The following SNTG1 variants were observed in gnomAD, a reference collection of about 807,000 sequenced individuals.
SNTG1 encodes the protein gamma-1-syntrophin.
In SNTG1, 39 loss-of-function variants were observed where a neutral mutation model predicts 74.7. The observed-to-expected ratio is 0.52, with a 90% confidence interval of 0.40 to 0.68. The LOEUF is 0.68. Among genes scored for constraint, SNTG1 ranks in the 30% least tolerant of loss-of-function variants. The pLI, the probability that SNTG1 is intolerant of heterozygous loss-of-function variation, is 0.00. For synonymous variants in SNTG1, 254 were observed against 217.1 expected, an observed-to-expected ratio of 1.17 and a Z score of -1.49; for missense variants, 685 against 609.5, an observed-to-expected ratio of 1.12 and a Z score of -1.30.
At chr8:50,204,646 T>G (rs1404644985) in intron 2 of SNTG1, among the ~76,000 whole-genome samples, 2 of 152,178 alleles carry the variant, frequency 1.3e-5, no homozygotes, top group Non-Finnish European at 2.9e-5. Flanking sequence ...TGTATACATG[T>G]GCCATATTGG....
At chr8:50,553,003 G>T (rs377574381) in intron 11 of SNTG1, 47 bp from the exon 12 acceptor site, 6 of 1,607,948 alleles carry the variant, frequency 3.7e-6, no homozygotes, top group Non-Finnish European at 5.1e-6. Context: ...GCTGCAAATA[G>T]ATCAATGACA....
At position 50,453,735 on chromosome 8, in the gene SNTG1, G is replaced by A. The variant is rs577567685; in HGVS notation, c.363+3006G>A. Reference sequence around the variant, plus strand: ...TATTTTGATGGCACCAAATGCCACCGCTCACATGCTGCTGCTCTTCTCCCT... The same window carrying A: ...TATTTTGATGGCACCAAATGCCACCACTCACATGCTGCTGCTCTTCTCCCT... On this transcript the variant is annotated intron_variant, in intron 8 of 18. Coordinates refer to ENST00000642720, the MANE Select transcript of SNTG1 (RefSeq NM_018967.5). Among the ~76,000 whole-genome samples, 8 of 152,276 alleles carry A rather than the reference G, an allele frequency of 5.3e-5. No homozygotes were observed. The East Asian group carries it at 9.6e-4, about 18-fold the overall frequency.
intron 1 of SNTG1, among the ~76,000 whole-genome samples, chr8:50,095,964 AATT>A (rs3086083): frequency 0.24 from 36,811 of 151,694 alleles, 4,551 homozygotes; most frequent in South Asian, 0.38. Flanking sequence ...TTATTATCTT[AATT>A]ATTATTACCT....
chr8:50,563,803 A>C (rs533629817), intron 12 of SNTG1, among the ~76,000 whole-genome samples: 1 of 152,288 alleles, frequency 6.6e-6, no homozygotes, highest in African/African-American at 2.4e-5. Context: ...GGAAGGTATC[A>C]GGAGATTATC....
In SNTG1 at chr8:50,138,634, T is replaced by C. The variant is rs774203438; in HGVS notation, c.-102-33927T>C. ...GAGTGAAACTCTGTCTCAACAATAA[T>C]AATAATAATAATAATAATAATAATA... On this transcript the variant is annotated intron_variant, in intron 1 of 18. Transcript: ENST00000642720. Among the ~76,000 whole-genome samples the C allele has an allele frequency of 2.6e-4, 21 of 81,332 alleles. No homozygotes were observed. In the East Asian group the frequency reaches 2.7e-3, roughly 10 times the overall value. 53.4% of individuals were successfully genotyped at this position (81,332 alleles called of 152,430 possible). A position where few individuals can be genotyped will look rare whatever the true frequency, so the allele number is the denominator to read the frequency against.
At chr8:49,999,819 T>A (rs951697915) in intron 1 of SNTG1, among the ~76,000 whole-genome samples, 1 of 151,966 alleles carries the variant, frequency 6.6e-6, no homozygotes, top group Non-Finnish European at 1.5e-5. Context: ...TATTGGCTGG[T>A]ATAATAATTA....
chr8:50,434,723 G>T (rs1169990390), intron 4 of SNTG1, among the ~76,000 whole-genome samples: 1 of 152,046 alleles, frequency 6.6e-6, no homozygotes, highest in East Asian at 1.9e-4. Flanking sequence ...ACACATAGTA[G>T]ATTTTTAATA....
intron 2 of SNTG1, among the ~76,000 whole-genome samples, chr8:50,212,713 C>T (rs2084580777): frequency 2.0e-5 from 3 of 152,192 alleles, no homozygotes; most frequent in African/African-American, 4.8e-5. Flanking sequence ...TCTATATATA[C>T]TCTGTGGCAG....
Position 50,129,535 on chromosome 8 carries a change from A to G in SNTG1, c.-102-43026A>G, listed in dbSNP as rs369335575. On this transcript the variant is annotated intron_variant, in intron 1 of 18. Coordinates refer to ENST00000642720, the MANE Select transcript of SNTG1 (RefSeq NM_018967.5). ...AGTTGTCAGCAAAGCACAAGCTACT[A>G]TGGGTAACAATTTTACCTACAGAGT... 1.2e-3 allele frequency among the ~76,000 whole-genome samples: 178 copies of G among 152,196 alleles called. 2 individuals are homozygous for G. The highest frequency in any genetic ancestry group is 3.9e-3 in the African/African-American group (161 of 41,540).
At chr8:50,487,791 C>G (rs1448717341) in intron 8 of SNTG1, among the ~76,000 whole-genome samples, 4 of 150,916 alleles carry the variant, frequency 2.7e-5, no homozygotes, top group Non-Finnish European at 4.4e-5. Context: ...ACATATGTAA[C>G]TAACCTGCAC....
intron 1 of SNTG1, among the ~76,000 whole-genome samples, chr8:49,935,036 C>G (rs1807930857): frequency 6.6e-6 from 1 of 151,838 alleles, no homozygotes; most frequent in South Asian, 2.1e-4. Flanking sequence ...TTAAGCCATC[C>G]CGTACCATAA....
At chr8:50,390,588 T>A (rs2092643327) in intron 2 of SNTG1, among the ~76,000 whole-genome samples, 1 of 152,232 alleles carries the variant, frequency 6.6e-6, no homozygotes, top group Admixed American at 6.5e-5. Context: ...CAAAGTAGTT[T>A]TTCCCAAATT....
At chr8:50,542,539 G>T (rs982904303) in intron 11 of SNTG1, among the ~76,000 whole-genome samples, 1 of 152,100 alleles carries the variant, frequency 6.6e-6, no homozygotes, top group Admixed American at 6.6e-5. Flanking sequence ...TATGAATATT[G>T]TTGCAATAAA....
intron 1 of SNTG1, among the ~76,000 whole-genome samples, chr8:49,995,983 A>C (rs1319495524): frequency 6.6e-6 from 1 of 152,240 alleles, no homozygotes; most frequent in Non-Finnish European, 1.5e-5. Context: ...GCCAGGGAGT[A>C]GAACTAGAAG....
intron 17 of SNTG1, among the ~76,000 whole-genome samples, chr8:50,741,923 A>C (rs2095544307): frequency 6.6e-6 from 1 of 151,986 alleles, no homozygotes; most frequent in Admixed American, 6.6e-5. Context: ...CTACTCTGCA[A>C]GACACTGTAA....
chr8:50,647,962 G>A lies in SNTG1; in HGVS notation c.850-8947G>A, dbSNP rs554181423. ...TTATTTTCTGTGATACTCATAGGAA[G>A]AATGTACTGAAACTGCTTTATGTCT... is the stretch of plus-strand genomic sequence containing the variant. On this transcript the variant is annotated intron_variant, in intron 13 of 18. Transcript: ENST00000642720. Among the ~76,000 whole-genome samples the A allele has an allele frequency of 1.4e-4, 21 of 152,072 alleles. No homozygotes were observed. The South Asian group carries it at 4.4e-3, about 32-fold the overall frequency.
At chr8:50,007,829 T>G (rs1442649953) in intron 1 of SNTG1, among the ~76,000 whole-genome samples, 1 of 152,110 alleles carries the variant, frequency 6.6e-6, no homozygotes, top group African/African-American at 2.4e-5. Flanking sequence ...AAAAAAAGGT[T>G]TAATTGACTC....
At chr8:50,363,518 ATG>A (rs61604839) in intron 2 of SNTG1, among the ~76,000 whole-genome samples, 4 of 151,518 alleles carry the variant, frequency 2.6e-5, no homozygotes, top group Admixed American at 6.6e-5. Flanking sequence ...GGGTGTGTGT[ATG>A]TGTGTGTGTG....
intron 13 of SNTG1, among the ~76,000 whole-genome samples, chr8:50,642,553 A>G (rs917855928): frequency 2.6e-5 from 4 of 152,080 alleles, no homozygotes; most frequent in Non-Finnish European, 4.4e-5. Context: ...TGGACTCATC[A>G]TCCCCAAGAT....
Sources: allele counts gnomAD v4.1 joint callset (sites outside exome capture counted in the v4.1 genomes callset), GRCh38; gene constraint gnomAD v4.1.1; transcripts MANE v1.5; gene names NCBI Gene and HGNC (gene_info 2026-07-23, HGNC 2026-07-21).